The following LDB2 variants were observed in gnomAD, a reference collection of about 807,000 sequenced individuals.
LDB2 encodes LIM domain binding 2.
LDB2 carries 12 observed loss-of-function variants against 44.3 expected under a neutral mutation model. That is an observed-to-expected ratio of 0.27 (90% confidence interval 0.17 to 0.44). LDB2 has a LOEUF of 0.44. Ranked by LOEUF, LDB2 falls within the 20% of genes least tolerant of loss-of-function variation. LDB2 has a pLI of 1.00. For missense variants in LDB2, 344 were observed against 473.5 expected (o/e 0.73, Z 2.54); for synonymous variants, 164 against 174.8 (o/e 0.94, Z 0.49).
At chr4:16,787,789 G>C (rs1170012947) in intron 1 of LDB2, among the ~76,000 whole-genome samples, 1 of 152,170 alleles carries the variant, frequency 6.6e-6, no homozygotes, top group Non-Finnish European at 1.5e-5. Flanking sequence ...TTAGTGTCTT[G>C]TAGGACTGCC....
chr4:16,832,374 G>C (rs1370642922), intron 1 of LDB2, among the ~76,000 whole-genome samples: 3 of 152,160 alleles, frequency 2.0e-5, no homozygotes, highest in Non-Finnish European at 4.4e-5. Flanking sequence ...GGAGAAAAGG[G>C]AGAGGACATA....
chr4:16,680,142 T>C (rs1187452920), intron 2 of LDB2, among the ~76,000 whole-genome samples: 1 of 152,164 alleles, frequency 6.6e-6, no homozygotes, highest in African/African-American at 2.4e-5. Context: ...ATGATCTCTC[T>C]CTGTCATGCC....
chr4:16,787,326 C>T (rs373310538), intron 1 of LDB2, among the ~76,000 whole-genome samples: 43 of 152,184 alleles, frequency 2.8e-4, no homozygotes, highest in African/African-American at 1.0e-3. Flanking sequence ...AAATAGGGTG[C>T]AATTCACTGG....
At chr4:16,766,680 A>G (rs1037065127) in intron 1 of LDB2, among the ~76,000 whole-genome samples, 1 of 151,412 alleles carries the variant, frequency 6.6e-6, no homozygotes, top group Admixed American at 6.6e-5. Context: ...TAATTTTTGT[A>G]TTTTTAGTAG....
chr4:16,886,798 C>A (rs1393243584), intron 1 of LDB2, among the ~76,000 whole-genome samples: 1 of 151,644 alleles, frequency 6.6e-6, no homozygotes, highest in African/African-American at 2.4e-5. Flanking sequence ...TTTGGGAGGC[C>A]GAGGCAGGCA....
At position 16,582,660 on chromosome 4, in the gene LDB2, C is replaced by G. The variant is rs1715190997; in HGVS notation, c.615+3262G>C. Among the ~76,000 whole-genome samples the G allele has an allele frequency of 6.6e-6, 1 of 152,194 alleles. No homozygotes were observed. The highest frequency in any genetic ancestry group is 1.5e-5 in the Non-Finnish European group (1 of 68,034). ...ACTTCCCCATCCTGCAGGTCCCTTC[C>G]CAGCTCTGGCTTGGATAACTGCTGC... On this transcript the variant is annotated intron_variant, in intron 5 of 7. Coordinates refer to ENST00000304523, the MANE Select transcript of LDB2 (RefSeq NM_001290.5). The surrounding 1 kb of genome is among the most constrained non-coding windows in gnomAD (Gnocchi z 4.8).
At chr4:16,838,266 G>C (rs2110091298) in intron 1 of LDB2, among the ~76,000 whole-genome samples, 1 of 152,204 alleles carries the variant, frequency 6.6e-6, no homozygotes, top group South Asian at 2.1e-4. Context: ...CCCTAATTAG[G>C]AGAAATTAAA....
chr4:16,583,753 G>A (rs767579110), intron 5 of LDB2, among the ~76,000 whole-genome samples: 6 of 152,130 alleles, frequency 3.9e-5, no homozygotes, highest in Non-Finnish European at 8.8e-5. Context: ...ACGTCAGCCC[G>A]AAGGATTTGT....
intron 1 of LDB2, among the ~76,000 whole-genome samples, chr4:16,760,319 C>A (rs888685000): frequency 1.2e-4 from 19 of 152,184 alleles, no homozygotes; most frequent in Admixed American, 9.8e-4. Flanking sequence ...CTGCTTATGA[C>A]AACATTAAGT....
chr4:16,760,359 C>T (rs1373471104), intron 1 of LDB2, among the ~76,000 whole-genome samples: 1 of 152,132 alleles, frequency 6.6e-6, no homozygotes, highest in African/African-American at 2.4e-5. Flanking sequence ...TAGGAATGAA[C>T]CCTCAGTCCC....
intron 5 of LDB2, among the ~76,000 whole-genome samples, chr4:16,570,136 A>G (rs1357070021): frequency 6.6e-6 from 1 of 152,120 alleles, no homozygotes; most frequent in Non-Finnish European, 1.5e-5. Flanking sequence ...TGTTTTAGGC[A>G]TTGGGGAAAA....
intron 2 of LDB2, among the ~76,000 whole-genome samples, chr4:16,616,624 C>A (rs543771702): frequency 2.6e-5 from 4 of 152,090 alleles, no homozygotes; most frequent in Non-Finnish European, 5.9e-5. Context: ...CCAAGAGAAA[C>A]TGTGTTTCCT....
intron 1 of LDB2, among the ~76,000 whole-genome samples, chr4:16,847,200 A>G (rs1024502317): frequency 2.0e-5 from 3 of 152,254 alleles, no homozygotes; most frequent in South Asian, 2.1e-4. Context: ...GCTCACTAGT[A>G]AGCCACAAAA....
At chr4:16,858,011 G>A (rs2110235189) in intron 1 of LDB2, among the ~76,000 whole-genome samples, 1 of 151,954 alleles carries the variant, frequency 6.6e-6, no homozygotes, top group South Asian at 2.1e-4. Flanking sequence ...TTCTAAAATG[G>A]CAATAATACT....
intron 2 of LDB2, among the ~76,000 whole-genome samples, chr4:16,652,976 C>T (rs1194062404): frequency 2.0e-5 from 3 of 152,152 alleles, no homozygotes; most frequent in Non-Finnish European, 2.9e-5. Context: ...TAATTAACAT[C>T]ATGTTAATTA....
At chr4:16,621,530 C>T (rs1006504756) in intron 2 of LDB2, among the ~76,000 whole-genome samples, 17 of 152,194 alleles carry the variant, frequency 1.1e-4, no homozygotes, top group African/African-American at 3.6e-4. Context: ...TAAATCAATT[C>T]TATAAACTTA....
At chr4:16,815,783 T>G (rs1248660231) in intron 1 of LDB2, among the ~76,000 whole-genome samples, 1 of 152,242 alleles carries the variant, frequency 6.6e-6, no homozygotes, top group African/African-American at 2.4e-5. Flanking sequence ...ATGATTATTT[T>G]ATTAATGATT....
intron 5 of LDB2, among the ~76,000 whole-genome samples, chr4:16,561,108 A>G (rs1241964095): frequency 6.6e-6 from 1 of 152,156 alleles, no homozygotes; most frequent in Non-Finnish European, 1.5e-5. Context: ...CACAGCCAAT[A>G]TCATACTGAA....
intron 2 of LDB2, among the ~76,000 whole-genome samples, chr4:16,733,220 A>C (rs982983108): frequency 6.6e-6 from 1 of 152,218 alleles, no homozygotes; most frequent in Non-Finnish European, 1.5e-5. Context: ...CAAGATAGGA[A>C]TAAATAAGAT....
Sources: gnomAD v4.1 joint callset for allele counts (sites outside exome capture counted in the v4.1 genomes callset) on GRCh38, gnomAD v4.1.1 for gene constraint, Gnocchi (gnomAD v3.1) non-coding constraint, MANE v1.5 for transcripts, NCBI Gene and HGNC (gene_info 2026-07-23, HGNC 2026-07-21) for gene names.